SPSB1: variants seen among roughly 807,000 people sequenced by gnomAD.
SPSB1 encodes splA/ryanodine receptor domain and SOCS box containing 1.
A neutral mutation model predicts 21.2 loss-of-function variants in SPSB1; 8 were observed. That is an observed-to-expected ratio of 0.38 (90% confidence interval 0.22 to 0.68). The LOEUF (loss-of-function observed/expected upper bound fraction) is 0.68. Among genes scored for constraint, SPSB1 ranks in the 30% least tolerant of loss-of-function variants. The pLI is 0.53. For missense variants in SPSB1, 242 were observed against 377.8 expected (o/e 0.64, Z 2.98); for synonymous variants, 169 against 161.7 (o/e 1.05, Z -0.34).
At chr1:9,366,235 C>T (rs989923005) in intron 2 of SPSB1, among the ~76,000 whole-genome samples, 1 of 152,162 alleles carries the variant, frequency 6.6e-6, no homozygotes, top group Admixed American at 6.5e-5. Flanking sequence ...GGGGCAGTTG[C>T]GGGGAGAAGG....
chr1:9,328,897 A>C (rs1639868856), intron 1 of SPSB1, among the ~76,000 whole-genome samples: 1 of 152,146 alleles, frequency 6.6e-6, no homozygotes, highest in African/African-American at 2.4e-5. Context: ...ACGCCACCCC[A>C]ACTTGTGAGC....
intron 1 of SPSB1, among the ~76,000 whole-genome samples, chr1:9,299,202 A>G (rs1046576888): frequency 1.3e-5 from 2 of 152,230 alleles, no homozygotes; most frequent in African/African-American, 4.8e-5. Context: ...ATACCTGTCC[A>G]TAAGGCCCAG....
At chr1:9,302,533 C>T (rs1352856737) in intron 1 of SPSB1, among the ~76,000 whole-genome samples, 3 of 152,114 alleles carry the variant, frequency 2.0e-5, no homozygotes, top group Non-Finnish European at 4.4e-5. Flanking sequence ...CTCTCTGTCC[C>T]GGAGCTGGGA....
rs34392416 is a variant in SPSB1 at position 9,317,837 on chromosome 1, ATTT to A, written c.-150+24783_-150+24785del. On this transcript the variant is annotated intron_variant, in intron 1 of 2. Transcript: ENST00000328089. The surrounding 1 kb of genome is among the most constrained non-coding windows in gnomAD (Gnocchi z 4.3). The stretch of plus-strand genomic sequence containing the variant: ...GTGATTTCCGGTGGCGAGGGAACCA[ATTT>A]TTTTTTTTTTTTTTTTGAGACCCTG... Among the ~76,000 whole-genome samples the A allele has an allele frequency of 2.9e-3, 397 of 134,682 alleles. 1 individual carries two copies. Among genetic ancestry groups the A allele is most frequent in the East Asian group, 0.023 (108 of 4,602 alleles). The allele number at this position is 134,682 out of a possible 152,430, so 88.4% of individuals were successfully genotyped here. A position where few individuals can be genotyped will look rare whatever the true frequency, so the allele number is the denominator to read the frequency against.
At chr1:9,342,372 CT>C (rs1261374068) in intron 1 of SPSB1, among the ~76,000 whole-genome samples, 1 of 152,224 alleles carries the variant, frequency 6.6e-6, no homozygotes, top group Non-Finnish European at 1.5e-5. Flanking sequence ...GCACCCCTAG[CT>C]GTGGGCAGAA....
chr1:9,323,556 A>G (rs934051291), intron 1 of SPSB1, among the ~76,000 whole-genome samples: 5 of 152,180 alleles, frequency 3.3e-5, no homozygotes, highest in African/African-American at 1.2e-4. Flanking sequence ...CAGGGGCTTC[A>G]TTGGAGCTCA....
At chr1:9,340,539 G>T (rs1640073939) in intron 1 of SPSB1, among the ~76,000 whole-genome samples, 1 of 152,268 alleles carries the variant, frequency 6.6e-6, no homozygotes, top group Non-Finnish European at 1.5e-5. Flanking sequence ...GTTAGAAATA[G>T]TGTGTTCGGC....
At chr1:9,334,801 T>C (rs558279077) in intron 1 of SPSB1, among the ~76,000 whole-genome samples, 38 of 152,366 alleles carry the variant, frequency 2.5e-4, no homozygotes, top group African/African-American at 8.7e-4. Flanking sequence ...ATATAGTATT[T>C]GTCTTTTTGT....
chr1:9,328,501 C>T (rs1639856217), intron 1 of SPSB1, among the ~76,000 whole-genome samples: 1 of 152,238 alleles, frequency 6.6e-6, no homozygotes, highest in Non-Finnish European at 1.5e-5. Context: ...GTCAAGGCCA[C>T]TTCGGGGGAA....
rs1245590889 is a variant in SPSB1, at chr1:9,367,867, A to G, written c.*292A>G. ...GAATAAACTCCTACGAAAGCCCTACATTGAGCTCCAATCTGCTCGGGGTGG... is the reference window on the plus strand; with the variant it reads ...GAATAAACTCCTACGAAAGCCCTACGTTGAGCTCCAATCTGCTCGGGGTGG... On this transcript the variant is annotated 3_prime_UTR_variant, in exon 3 of 3. Transcript: ENST00000328089. This position sits in a 1 kb window ranked among gnomAD's most constrained non-coding sequence, Gnocchi z 5.9. 5.1e-6 allele frequency: 2 copies of G among 388,444 alleles called. No individual in the cohort carries two copies. Among genetic ancestry groups the G allele is most frequent in the Non-Finnish European group, 9.4e-6 (2 of 211,820 alleles). The allele number at this position is 388,444 out of a possible 1,614,324, so 24.1% of individuals were successfully genotyped here. A position where few individuals can be genotyped will look rare whatever the true frequency, so the allele number is the denominator to read the frequency against.
intron 2 of SPSB1, among the ~76,000 whole-genome samples, chr1:9,361,986 A>G (rs1208353139): frequency 6.6e-6 from 1 of 152,154 alleles, no homozygotes; most frequent in Non-Finnish European, 1.5e-5. Flanking sequence ...GCAGTTCAGC[A>G]TTTTCGAATT....
At chr1:9,308,054 G>A (rs1330475091) in intron 1 of SPSB1, among the ~76,000 whole-genome samples, 1 of 152,184 alleles carries the variant, frequency 6.6e-6, no homozygotes, top group Admixed American at 6.5e-5. Context: ...GCAATTTGGT[G>A]CCCCTTCCAA....
intron 1 of SPSB1, among the ~76,000 whole-genome samples, chr1:9,353,048 A>G (rs2100512488): frequency 6.6e-6 from 1 of 152,102 alleles, no homozygotes; most frequent in East Asian, 1.9e-4. Context: ...CAGGGAGCTG[A>G]CCTCTGTGCC....
chr1:9,318,897 A>G (rs1318236681), intron 1 of SPSB1, among the ~76,000 whole-genome samples: 1 of 152,208 alleles, frequency 6.6e-6, no homozygotes, highest in Non-Finnish European at 1.5e-5. Flanking sequence ...TGAGTCCTAA[A>G]GACGTGGTAG....
intron 1 of SPSB1, among the ~76,000 whole-genome samples, chr1:9,335,615 C>G (rs1269738666): frequency 6.6e-6 from 1 of 152,126 alleles, no homozygotes; most frequent in African/African-American, 2.4e-5. Context: ...TCAAGACCAG[C>G]CTGGGGGAGA....
chr1:9,296,159 C>A (rs938989476), intron 1 of SPSB1, among the ~76,000 whole-genome samples: 1 of 152,142 alleles, frequency 6.6e-6, no homozygotes, highest in African/African-American at 2.4e-5. Context: ...ATAATAATAG[C>A]GGGAAATGGT....
chr1:9,317,762 C>T lies in SPSB1; in HGVS notation c.-150+24691C>T, dbSNP rs950134018. On this transcript the variant is annotated intron_variant, in intron 1 of 2. Transcript: ENST00000328089. This position sits in a 1 kb window ranked among gnomAD's most constrained non-coding sequence, Gnocchi z 4.3. ...CCTCCCAGAGTGTTGGGATTACAGG[C>T]GTGAGTCACCGTGCCTGGCCAGAAA... 5.9e-5 allele frequency among the ~76,000 whole-genome samples: 9 copies of T among 151,978 alleles called. No individual in the cohort carries two copies. The highest frequency in any genetic ancestry group is 8.8e-5 in the Non-Finnish European group (6 of 68,008).
At chr1:9,366,377 T>C (rs980465667) in intron 2 of SPSB1, among the ~76,000 whole-genome samples, 2 of 152,250 alleles carry the variant, frequency 1.3e-5, no homozygotes, top group Non-Finnish European at 2.9e-5. Context: ...TGTCTCCATG[T>C]GGCACAGAAA....
intron 1 of SPSB1, among the ~76,000 whole-genome samples, chr1:9,352,552 C>T (rs1194201876): frequency 6.6e-6 from 1 of 152,160 alleles, no homozygotes; most frequent in Non-Finnish European, 1.5e-5. Flanking sequence ...TTTACTATCG[C>T]GCCCATTTCA....
Sources: gnomAD v4.1 joint callset for allele counts (sites outside exome capture counted in the v4.1 genomes callset) on GRCh38, gnomAD v4.1.1 for gene constraint, Gnocchi (gnomAD v3.1) non-coding constraint, MANE v1.5 for transcripts, NCBI Gene and HGNC (gene_info 2026-07-23, HGNC 2026-07-21) for gene names.